The following PKN2 variants were observed in gnomAD, a reference collection of about 807,000 sequenced individuals.
PKN2 encodes the protein serine/threonine-protein kinase N2.
A neutral mutation model predicts 119.1 loss-of-function variants in PKN2; 38 were observed. The observed-to-expected ratio is 0.32, with a 90% CI of 0.25 to 0.42. The LOEUF (loss-of-function observed/expected upper bound fraction) is 0.42. PKN2 is among the 10% of genes least tolerant of loss of function. The pLI, the probability that PKN2 is intolerant of heterozygous loss-of-function variation, is 1.00. For missense variants in PKN2, 850 were observed against 1,165.1 expected, an observed-to-expected ratio of 0.73 and a Z score of 3.94; for synonymous variants, 390 against 384.9, an observed-to-expected ratio of 1.01 and a Z score of -0.15.
chr1:88,778,939 G>T (rs1003280569), intron 6 of PKN2, among the ~76,000 whole-genome samples: 1 of 152,126 alleles, frequency 6.6e-6, no homozygotes, highest in Non-Finnish European at 1.5e-5. Context: ...TAGCCAGGAT[G>T]GTCTCGATCT....
rs143162530 is a variant in PKN2 at position 88,688,759 on chromosome 1, A to G, written c.48+4131A>G. On this transcript the variant is annotated intron_variant, in intron 1 of 21. Coordinates refer to ENST00000370521, the MANE Select transcript of PKN2 (RefSeq NM_006256.4). Reference sequence around the variant, plus strand: ...AGACTGTGCTTTGCTTTAAAATTTTATACTCACATGTAACCTAGCTCTGTG... The same window carrying G: ...AGACTGTGCTTTGCTTTAAAATTTTGTACTCACATGTAACCTAGCTCTGTG... 8.5e-3 allele frequency among the ~76,000 whole-genome samples: 1,293 copies of G among 152,314 alleles called. 20 individuals carry two copies. Among genetic ancestry groups the G allele is most frequent in the African/African-American group, 0.03 (1,235 of 41,552 alleles).
chr1:88,792,233 C>T (rs1036981828), intron 8 of PKN2, among the ~76,000 whole-genome samples: 6 of 152,134 alleles, frequency 3.9e-5, no homozygotes, highest in African/African-American at 1.2e-4. Flanking sequence ...GGAGAAACCC[C>T]GTCTCTACTA....
intron 19 of PKN2, 24 bp downstream of exon 19, chr1:88,828,647 A>C (rs1052573481): frequency 6.3e-7 from 1 of 1,582,342 alleles, no homozygotes. Context: ...AATAGGTAAG[A>C]GAACAGAGGA....
In PKN2 at chr1:88,836,014, C is replaced by A. The variant is rs1336835589; in HGVS notation, c.*2566C>A. On this transcript the variant is annotated 3_prime_UTR_variant, in exon 22 of 22. Coordinates refer to ENST00000370521, the MANE Select transcript of PKN2 (RefSeq NM_006256.4). ...AATGGGAAAAGTTTGTATTCTGCTC[C>A]TGTAAGGTCAGTAGCATCTTTTATT... is the stretch of plus-strand genomic sequence containing the variant. 1 of 152,070 alleles carries A rather than the reference C, an allele frequency of 6.6e-6. No individual in the cohort carries two copies. The highest frequency in any genetic ancestry group is 2.4e-5 in the African/African-American group (1 of 41,442). 9.4% of individuals were successfully genotyped at this position (152,070 alleles called of 1,614,324 possible). A position where few individuals can be genotyped will look rare whatever the true frequency, so the allele number is the denominator to read the frequency against.
In PKN2 at chr1:88,799,276, T is replaced by G. The variant is rs1671213140; in HGVS notation, c.1282-5115T>G. Among the ~76,000 whole-genome samples the G allele has an allele frequency of 3.3e-5, 5 of 152,208 alleles. No individual in the cohort carries two copies. The South Asian group carries it at 1.0e-3, about 32-fold the overall frequency. The stretch of plus-strand genomic sequence containing the variant: ...AAGATCATGGCCTTAATAGTCTCCA[T>G]TATCTCTGTCTCCTACTGTTGTCTC... On this transcript the variant is annotated intron_variant, in intron 8 of 21. Transcript: ENST00000370521.
At chr1:88,692,693 C>A (rs956021918) in intron 1 of PKN2, among the ~76,000 whole-genome samples, 4 of 151,946 alleles carry the variant, frequency 2.6e-5, no homozygotes, top group African/African-American at 4.8e-5. Flanking sequence ...ATGTCTCTTG[C>A]CTATTTTTGT....
intron 8 of PKN2, among the ~76,000 whole-genome samples, chr1:88,796,226 A>C (rs967905710): frequency 2.0e-5 from 3 of 152,194 alleles, no homozygotes; most frequent in Admixed American, 6.5e-5. Flanking sequence ...GAAAAATTTG[A>C]AATCCCAAAT....
At chr1:88,729,829 A>G (rs1198522963) in intron 1 of PKN2, among the ~76,000 whole-genome samples, 2 of 152,132 alleles carry the variant, frequency 1.3e-5, no homozygotes, top group East Asian at 1.9e-4. Context: ...CTTGAAATCT[A>G]TTATTTCTTA....
In PKN2 at chr1:88,834,639, A is replaced by ATATTTTATTAAAAAATGAAT. The variant is rs1460981617; in HGVS notation, c.*1195_*1214dup. 1 of 152,450 alleles carries ATATTTTATTAAAAAATGAAT rather than the reference A, an allele frequency of 6.6e-6. No individual in the cohort carries two copies. The highest frequency in any genetic ancestry group is 1.5e-5 in the Non-Finnish European group (1 of 67,962). 9.4% of individuals were successfully genotyped at this position (152,450 alleles called of 1,614,324 possible). A position where few individuals can be genotyped will look rare whatever the true frequency, so the allele number is the denominator to read the frequency against. On this transcript the variant is annotated 3_prime_UTR_variant, in exon 22 of 22. Coordinates refer to ENST00000370521, the MANE Select transcript of PKN2 (RefSeq NM_006256.4). Reference sequence around the variant, plus strand: ...ATAAATATTTTTGATAAAACAGTCTATATTTTATTAAAAAATGAATTATAA... The same window carrying ATATTTTATTAAAAAATGAAT: ...ATAAATATTTTTGATAAAACAGTCTATATTTTATTAAAAAATGAATTATTTTATTAAAAAATGAATTATAA...
chr1:88,768,721 G>T (rs1010148568), intron 3 of PKN2, among the ~76,000 whole-genome samples: 1 of 152,200 alleles, frequency 6.6e-6, no homozygotes, highest in African/African-American at 2.4e-5. Context: ...CACATTCAGT[G>T]TTACTGGAAC....
chr1:88,811,622 A>G (rs1419503408), intron 15 of PKN2, among the ~76,000 whole-genome samples: 1 of 152,116 alleles, frequency 6.6e-6, no homozygotes, highest in South Asian at 2.1e-4. Flanking sequence ...AGTCTTCCCT[A>G]TTTTATTAAA....
In PKN2 at chr1:88,741,016, A is replaced by G; in HGVS notation, c.77A>G (p.Glu26Gly). ...QGDSRSLPFS[E>G]NVSAVQKLDF... Reference sequence around the variant, plus strand: ...GATTCCCGAAGTCTTCCGTTTTCTGAGAATGTGAGTGCTGTTCAAAAATTA... The same window carrying G: ...GATTCCCGAAGTCTTCCGTTTTCTGGGAATGTGAGTGCTGTTCAAAAATTA... Residue 26 changes from glutamate to glycine, a missense_variant, in exon 2 of 22, where the codon GAG becomes GGG. Glu to Gly is a moderately conservative substitution (Grantham distance 98). Coordinates refer to ENST00000370521, the MANE Select transcript of PKN2 (RefSeq NM_006256.4). 6.4e-7 allele frequency: 1 copy of G among 1,573,404 alleles called. No homozygotes were observed. The highest frequency in any genetic ancestry group is 8.6e-7 in the Non-Finnish European group (1 of 1,165,920).
At chr1:88,686,490 C>T (rs1446008007) in intron 1 of PKN2, among the ~76,000 whole-genome samples, 1 of 151,712 alleles carries the variant, frequency 6.6e-6, no homozygotes, top group East Asian at 1.9e-4. Flanking sequence ...GAAATACGAC[C>T]AAAATAGAGG....
In PKN2 at chr1:88,741,209, TA is replaced by T; in HGVS notation, c.276del (p.Lys92AsnfsTer2). The T allele has an allele frequency of 6.2e-7, 1 of 1,601,830 alleles. No homozygotes were observed. Among genetic ancestry groups the T allele is most frequent in the Non-Finnish European group, 8.5e-7 (1 of 1,176,344 alleles). On this transcript the variant is annotated frameshift_variant, in exon 2 of 22. Coordinates refer to ENST00000370521, the MANE Select transcript of PKN2 (RefSeq NM_006256.4). LOFTEE classifies it high-confidence loss of function. ...TAGACAACATTTTGAAAAAATCAAATAAAAAATTAGAAGAACTACATCACAA... is the reference window on the plus strand; with the variant it reads ...TAGACAACATTTTGAAAAAATCAAATAAAAATTAGAAGAACTACATCACAA... ...YVDNILKKSN[K>X]KLEELHHKLQ...
rs185853672 is a variant in PKN2 at position 88,731,102 on chromosome 1, T to C, written c.49-9886T>C. Among the ~76,000 whole-genome samples, 465 of 152,390 alleles carry C rather than the reference T, an allele frequency of 3.1e-3. 4 individuals are homozygous for C. The highest frequency in any genetic ancestry group is 0.014 in the Middle Eastern group (4 of 294). ...AAAGAAAGAAGGATCAGGTCATTTT[T>C]ATCTTTATATTTCATTACCTAGAAC... On this transcript the variant is annotated intron_variant, in intron 1 of 21. Transcript: ENST00000370521.
chr1:88,820,871 CATTT>C (rs1672255270), intron 16 of PKN2, among the ~76,000 whole-genome samples: 1 of 152,120 alleles, frequency 6.6e-6, no homozygotes, highest in African/African-American at 2.4e-5. Flanking sequence ...TAAATCTATT[CATTT>C]ATTTCCTCCT....
chr1:88,821,812 A>G (rs1467911958), intron 16 of PKN2, 129 bp from the exon 17 acceptor site: 1 of 697,698 alleles, frequency 1.4e-6, no homozygotes, highest in Non-Finnish European at 2.2e-6. Context: ...AATGTGATAC[A>G]TAGTAGGGAC....
chr1:88,806,171 T>C, intron 12 of PKN2, 154 bp downstream of exon 12: 1 of 703,282 alleles, frequency 1.4e-6, no homozygotes, highest in South Asian at 1.9e-5. Context: ...TTTTGTTTTT[T>C]GAGACAGAGT....
intron 2 of PKN2, among the ~76,000 whole-genome samples, chr1:88,750,139 G>C (rs1248887693): frequency 6.6e-6 from 1 of 152,110 alleles, no homozygotes; most frequent in Admixed American, 6.6e-5. Context: ...TATTTTGATA[G>C]CTTGAGAAAA....
Sources: gnomAD v4.1 joint callset for allele counts (sites outside exome capture counted in the v4.1 genomes callset) on GRCh38, gnomAD v4.1.1 for gene constraint, MANE v1.5 for transcripts, NCBI Gene and HGNC (gene_info 2026-07-23, HGNC 2026-07-21) for gene names.